Variants in PWWP3B observed in about 807,000 individuals in gnomAD.
The protein encoded by PWWP3B is PWWP domain containing 3B, also known as PWWP domain-containing DNA repair factor 3B.
Under a neutral mutation model 15.7 loss-of-function variants are expected in PWWP3B, and 5 were observed. That is an observed-to-expected ratio of 0.32 (90% CI 0.17 to 0.67). PWWP3B has a LOEUF of 0.67. Ranked by LOEUF, PWWP3B falls within the 30% of genes least tolerant of loss-of-function variation. PWWP3B has a pLI of 0.74. For missense variants in PWWP3B, 519 were observed against 493.1 expected (o/e 1.05, Z -0.50); for synonymous variants, 203 against 179.8 (o/e 1.13, Z -1.03).
At chrX:106,177,417 A>G (rs748738418) in intron 2 of PWWP3B, 15 of 112,693 alleles carry the variant, frequency 1.3e-4, no homozygotes, top group Non-Finnish European at 2.4e-4. Flanking sequence ...CTTGGTGTTA[A>G]AGTAAAAAAA....
rs771096398 is a variant in PWWP3B at position 106,205,959 on chromosome X, A to T, written c.527A>T (p.Asp176Val). 3.6e-5 allele frequency: 44 copies of T among 1,209,085 alleles called. No homozygotes were observed. Among genetic ancestry groups the T allele is most frequent in the Middle Eastern group, 2.3e-4 (1 of 4,371 alleles). Residue 176 changes from aspartate (D) to valine (V), a missense_variant, in exon 4 of 4, where the codon GAT (aspartate) becomes GTT (valine). Coordinates refer to ENST00000357175, the MANE Select transcript of PWWP3B (RefSeq NM_001171020.2). ...AAATCACAAGCACCCACAATGGTCGATACTATTCCAAGTGAAGTGGAAACA... is the reference window on the plus strand; with the variant it reads ...AAATCACAAGCACCCACAATGGTCGTTACTATTCCAAGTGAAGTGGAAACA... ...DDKSQAPTMVDTIPSEVETKS... is the reference protein window; with the variant it reads ...DDKSQAPTMVVTIPSEVETKS...
chrX:106,169,012 G>GA (rs1921478788), intron 1 of PWWP3B, among the ~76,000 whole-genome samples: 1 of 111,233 alleles, frequency 9.0e-6, no homozygotes, highest in Non-Finnish European at 1.9e-5. Context: ...GTACTGCAAT[G>GA]GAAAAAATCT....
At chrX:106,180,122 GGCA>G (rs1307124787) in intron 2 of PWWP3B, among the ~76,000 whole-genome samples, 1 of 111,132 alleles carries the variant, frequency 9.0e-6, no homozygotes, top group Non-Finnish European at 1.9e-5. Context: ...GGGTATACAG[GGCA>G]GCACCGTTAG....
intron 1 of PWWP3B, 139 bp from the exon 2 acceptor site, chrX:106,170,873 C>T (rs1921579088): frequency 8.9e-6 from 1 of 111,901 alleles, no homozygotes; most frequent in Admixed American, 9.5e-5. Context: ...ATTATAATAA[C>T]ATGAAGGAAA....
chrX:106,202,588 C>A (rs2147635446), intron 2 of PWWP3B, among the ~76,000 whole-genome samples: 1 of 111,734 alleles, frequency 8.9e-6, no homozygotes, highest in South Asian at 3.8e-4. Context: ...GTCCTCCCTG[C>A]AGTTTATTCT....
chrX:106,170,255 T>G (rs566335839), intron 1 of PWWP3B, among the ~76,000 whole-genome samples: 1 of 112,147 alleles, frequency 8.9e-6, no homozygotes, highest in South Asian at 3.7e-4. Flanking sequence ...GCTTCCACAT[T>G]GGTAAGTCTC....
At chrX:106,194,711 G>C (rs1222422052) in intron 2 of PWWP3B, among the ~76,000 whole-genome samples, 1 of 111,473 alleles carries the variant, frequency 9.0e-6, no homozygotes, top group Admixed American at 9.5e-5. Flanking sequence ...ACGTACAGAT[G>C]GATTTTTGGT....
chrX:106,198,802 C>A (rs771526936), intron 2 of PWWP3B, among the ~76,000 whole-genome samples: 1 of 110,394 alleles, frequency 9.1e-6, no homozygotes, highest in East Asian at 2.8e-4. Context: ...TAGAAAATAT[C>A]CAAAATAAAG....
At chrX:106,173,676 T>C (rs954646245) in intron 2 of PWWP3B, among the ~76,000 whole-genome samples, 5 of 112,091 alleles carry the variant, frequency 4.5e-5, no homozygotes, top group African/African-American at 1.3e-4. Flanking sequence ...ATGAGGCTTC[T>C]TAAAAAACAA....
intron 2 of PWWP3B, among the ~76,000 whole-genome samples, chrX:106,202,716 G>A (rs1254459046): frequency 8.9e-6 from 1 of 111,846 alleles, no homozygotes; most frequent in Non-Finnish European, 1.9e-5. Flanking sequence ...AATATTATAT[G>A]GCATGGTACA....
chrX:106,180,671 C>T (rs1922146161), intron 2 of PWWP3B, among the ~76,000 whole-genome samples: 2 of 111,868 alleles, frequency 1.8e-5, no homozygotes, highest in South Asian at 3.7e-4. Context: ...ACCAGACAAA[C>T]GCAGACCAGT....
At chrX:106,169,995 T>C (rs945743611) in intron 1 of PWWP3B, among the ~76,000 whole-genome samples, 1 of 112,012 alleles carries the variant, frequency 8.9e-6, no homozygotes, top group African/African-American at 3.2e-5. Context: ...TGTTCTTATA[T>C]CTCCACACAT....
intron 2 of PWWP3B, among the ~76,000 whole-genome samples, chrX:106,198,710 TG>T (rs1198729012): frequency 3.6e-5 from 4 of 111,924 alleles, no homozygotes; most frequent in African/African-American, 1.3e-4. Flanking sequence ...TAGAAAATAT[TG>T]TTCATGGAAT....
At chrX:106,175,236 C>CTTTTT (rs1218589426) in intron 2 of PWWP3B, among the ~76,000 whole-genome samples, 3 of 73,150 alleles carry the variant, frequency 4.1e-5, no homozygotes, top group African/African-American at 5.3e-5. Flanking sequence ...GGGGTTATTT[C>CTTTTT]TTTTTTTTTT....
chrX:106,177,112 A>G (rs1311442777), intron 2 of PWWP3B: 1 of 113,112 alleles, frequency 8.8e-6, no homozygotes, highest in Non-Finnish European at 1.9e-5. Flanking sequence ...TGTAGTTTGA[A>G]TGTAAATTAA....
intron 2 of PWWP3B, among the ~76,000 whole-genome samples, chrX:106,200,315 C>A (rs1185044020): frequency 1.8e-5 from 2 of 111,276 alleles, no homozygotes; most frequent in Non-Finnish European, 3.8e-5. Flanking sequence ...ACCTTGACAT[C>A]AGCAAAATAA....
Position 106,200,777 on chromosome X carries a change from G to A in PWWP3B, c.-400-3208G>A, listed in dbSNP as rs189497921. Among the ~76,000 whole-genome samples the A allele has an allele frequency of 3.9e-3, 436 of 111,686 alleles. 5 individuals are homozygous for A. The highest frequency in any genetic ancestry group is 0.013 in the African/African-American group (405 of 30,774). Reference sequence around the variant, plus strand: ...AGAAACAGAATTGCCGGCCGGGCGCGGTGGCTCACGCCTGTAATCCCAGCA... The same window carrying A: ...AGAAACAGAATTGCCGGCCGGGCGCAGTGGCTCACGCCTGTAATCCCAGCA... On this transcript the variant is annotated intron_variant, in intron 2 of 3. Transcript: ENST00000357175.
chrX:106,182,758 G>A lies in PWWP3B; in HGVS notation c.-401+11619G>A, dbSNP rs185997169. Among the ~76,000 whole-genome samples the A allele has an allele frequency of 3.5e-3, 388 of 110,932 alleles. 3 individuals are homozygous for A. The highest frequency in any genetic ancestry group is 0.012 in the African/African-American group (365 of 30,449). The stretch of plus-strand genomic sequence containing the variant: ...AGGGGGGTCTGGGGTGAATGGTCAC[G>A]CAGGGAGTATGTTTGCCATTACAAA... On this transcript the variant is annotated intron_variant, in intron 2 of 3. Coordinates refer to ENST00000357175, the MANE Select transcript of PWWP3B (RefSeq NM_001171020.2).
intron 2 of PWWP3B, among the ~76,000 whole-genome samples, chrX:106,184,246 C>T (rs1167359980): frequency 1.8e-5 from 2 of 111,254 alleles, no homozygotes; most frequent in Non-Finnish European, 3.8e-5. Flanking sequence ...CTCCTGATAC[C>T]TGGGGCTGAT....
Sources: gnomAD v4.1 joint callset for allele counts (sites outside exome capture counted in the v4.1 genomes callset) on GRCh38, gnomAD v4.1.1 for gene constraint, MANE v1.5 for transcripts, NCBI Gene and HGNC (gene_info 2026-07-23, HGNC 2026-07-21) for gene names.